The following APBA2 variants were observed in gnomAD, a reference collection of about 807,000 sequenced individuals.
APBA2 encodes amyloid-beta A4 precursor protein-binding family A member 2.
Under a neutral mutation model 75.0 loss-of-function variants are expected in APBA2, and 30 were observed. The ratio of observed to expected loss-of-function variants is 0.40; its 90% CI spans 0.30 to 0.54. The LOEUF is 0.54. Among genes scored for constraint, APBA2 ranks in the 20% least tolerant of loss-of-function variants. APBA2 has a pLI of 0.49. For synonymous variants in APBA2, 444 were observed against 409.6 expected (o/e 1.08, Z -1.01); for missense variants, 801 against 1,016.1 (o/e 0.79, Z 2.88).
At chr15:28,971,698 G>A (rs1212303076) in intron 2 of APBA2, among the ~76,000 whole-genome samples, 1 of 152,128 alleles carries the variant, frequency 6.6e-6, no homozygotes, top group Non-Finnish European at 1.5e-5. Flanking sequence ...GGAGGAGGTG[G>A]AAGAAGAGGA....
At chr15:28,953,995 C>T (rs1316431085) in intron 2 of APBA2, among the ~76,000 whole-genome samples, 2 of 152,204 alleles carry the variant, frequency 1.3e-5, no homozygotes, top group African/African-American at 4.8e-5. Context: ...CCCCACACAA[C>T]AGGCACCAAG....
intron 1 of APBA2, among the ~76,000 whole-genome samples, chr15:28,915,212 T>C (rs1247278503): frequency 2.3e-3 from 13 of 5,584 alleles, no homozygotes; most frequent in African/African-American, 9.2e-3. Context: ...ACATAGCGCA[T>C]ACACACCACA....
rs2041353731 is a variant in APBA2 at position 29,046,735 on chromosome 15, A to T, written c.-40-7110A>T. 6.6e-6 allele frequency among the ~76,000 whole-genome samples: 1 copy of T among 152,318 alleles called. No individual in the cohort carries two copies. Among genetic ancestry groups the T allele is most frequent in the Non-Finnish European group, 1.5e-5 (1 of 68,028 alleles). On this transcript the variant is annotated intron_variant, in intron 3 of 14. Transcript: ENST00000683413. This position sits in a 1 kb window ranked among gnomAD's most constrained non-coding sequence, Gnocchi z 5.0. ...CAAAGTGAGCGAATCACTGCATTGGAGGAGTGACTCTTGGCTTTTCACAAG... is the reference window on the plus strand; with the variant it reads ...CAAAGTGAGCGAATCACTGCATTGGTGGAGTGACTCTTGGCTTTTCACAAG...
intron 2 of APBA2, among the ~76,000 whole-genome samples, chr15:28,944,711 G>A (rs2035444243): frequency 6.6e-6 from 1 of 152,262 alleles, no homozygotes; most frequent in Non-Finnish European, 1.5e-5. Flanking sequence ...TACGTGCAGA[G>A]AGGGGCAGGA....
chr15:28,958,454 A>G (rs1307159458), intron 2 of APBA2, among the ~76,000 whole-genome samples: 2 of 152,260 alleles, frequency 1.3e-5, no homozygotes, highest in African/African-American at 2.4e-5. Flanking sequence ...ATGAAAGTGT[A>G]GCGTTTTGGG....
intron 3 of APBA2, among the ~76,000 whole-genome samples, chr15:29,022,507 A>G (rs2040002789): frequency 6.6e-6 from 1 of 151,974 alleles, no homozygotes; most frequent in South Asian, 2.1e-4. Flanking sequence ...AGCGTAACTC[A>G]GGGATATATA....
intron 4 of APBA2, among the ~76,000 whole-genome samples, chr15:29,058,785 G>A (rs922375654): frequency 6.6e-6 from 1 of 152,044 alleles, no homozygotes; most frequent in Non-Finnish European, 1.5e-5. Flanking sequence ...ATAAAAAAAG[G>A]TTATTTCAAA....
intron 3 of APBA2, among the ~76,000 whole-genome samples, chr15:29,037,178 A>G (rs1265118010): frequency 1.3e-5 from 2 of 152,256 alleles, no homozygotes; most frequent in Admixed American, 1.3e-4. Context: ...TCATTTATCA[A>G]AGTGATTGAG....
At chr15:29,116,970 C>G in intron 14 of APBA2, 92 bp from the exon 15 acceptor site, 3 of 1,372,138 alleles carry the variant, frequency 2.2e-6, no homozygotes, top group Non-Finnish European at 3.1e-6. Flanking sequence ...TGAAGCAGAA[C>G]TCTGGGGGGT....
chr15:29,055,689 G>A (rs1306722992), intron 4 of APBA2, among the ~76,000 whole-genome samples: 2 of 151,714 alleles, frequency 1.3e-5, no homozygotes, highest in African/African-American at 4.8e-5. Context: ...GTGTGTGTGT[G>A]TGTGTGTGTG....
intron 13 of APBA2, 60 bp downstream of exon 13, chr15:29,108,449 C>T: frequency 6.2e-7 from 1 of 1,612,166 alleles, no homozygotes; most frequent in Non-Finnish European, 8.5e-7. Flanking sequence ...GGAGGGGGAG[C>T]AGCTCCCGTC....
intron 3 of APBA2, among the ~76,000 whole-genome samples, chr15:29,015,993 T>C (rs2039641870): frequency 6.6e-6 from 1 of 152,224 alleles, no homozygotes; most frequent in Admixed American, 6.5e-5. Context: ...GCGCGGTGGC[T>C]CACGCTTGTA....
Position 29,036,160 on chromosome 15 carries a change from C to T in APBA2, c.-40-17685C>T, listed in dbSNP as rs570236776. Among the ~76,000 whole-genome samples the T allele has an allele frequency of 2.6e-5, 4 of 152,274 alleles. No individual in the cohort carries two copies. In the East Asian group the frequency reaches 5.8e-4, roughly 22 times the overall value. On this transcript the variant is annotated intron_variant, in intron 3 of 14. Coordinates refer to ENST00000683413, the MANE Select transcript of APBA2 (RefSeq NM_001353788.2). ...GAGCCCTCACCCCCCTATGCTTTCCCGCCACCCACCAGCCACACCTCCTTG... is the reference window on the plus strand; with the variant it reads ...GAGCCCTCACCCCCCTATGCTTTCCTGCCACCCACCAGCCACACCTCCTTG...
intron 2 of APBA2, among the ~76,000 whole-genome samples, chr15:28,949,501 C>G (rs909961490): frequency 4.6e-5 from 7 of 152,176 alleles, no homozygotes; most frequent in African/African-American, 7.2e-5. Context: ...CAGGGTCTCA[C>G]TCTGTCACCC....
chr15:28,969,149 TTTC>T (rs2036911287), intron 2 of APBA2, among the ~76,000 whole-genome samples: 1 of 76,334 alleles, frequency 1.3e-5, no homozygotes, highest in Non-Finnish European at 2.0e-5. Flanking sequence ...TCTTTCTTTC[TTTC>T]TTTCTTTCTT....
intron 1 of APBA2, among the ~76,000 whole-genome samples, chr15:28,890,937 C>T (rs1020858404): frequency 4.6e-5 from 7 of 152,024 alleles, no homozygotes; most frequent in African/African-American, 1.7e-4. Context: ...AGAGGAGGCA[C>T]GTCATAAACT....
At chr15:28,951,733 T>C (rs2035885765) in intron 2 of APBA2, among the ~76,000 whole-genome samples, 2 of 151,950 alleles carry the variant, frequency 1.3e-5, no homozygotes, top group South Asian at 2.1e-4. Flanking sequence ...TACAGGCGTG[T>C]GCCACCACAC....
intron 3 of APBA2, among the ~76,000 whole-genome samples, chr15:29,000,420 G>A (rs1331787980): frequency 6.6e-6 from 1 of 152,168 alleles, no homozygotes; most frequent in African/African-American, 2.4e-5. Context: ...GAGAAAAGAA[G>A]TTGTGGTAAA....
At chr15:29,016,510 C>T (rs962333587) in intron 3 of APBA2, among the ~76,000 whole-genome samples, 1 of 152,168 alleles carries the variant, frequency 6.6e-6, no homozygotes, top group African/African-American at 2.4e-5. Flanking sequence ...CAGCCTCTGA[C>T]TTGCAGGAGT....
Sources: gnomAD v4.1 joint callset for allele counts (sites outside exome capture counted in the v4.1 genomes callset) on GRCh38, gnomAD v4.1.1 for gene constraint, Gnocchi (gnomAD v3.1) non-coding constraint, MANE v1.5 for transcripts, NCBI Gene and HGNC (gene_info 2026-07-23, HGNC 2026-07-21) for gene names.